Variants in SORCS2 observed in about 807,000 individuals in gnomAD.
SORCS2 encodes sortilin related VPS10 domain containing receptor 2, also known as VPS10 domain-containing receptor SorCS2.
A neutral mutation model predicts 141.6 loss-of-function variants in SORCS2; 100 were observed. The ratio of observed to expected loss-of-function variants is 0.71; its 90% CI spans 0.60 to 0.83. The LOEUF (loss-of-function observed/expected upper bound fraction) is 0.83. Among genes scored for constraint, SORCS2 ranks in the 40% least tolerant of loss-of-function variants. The probability of loss-of-function intolerance (pLI) is 0.00; values close to 1 mark genes in which losing one functional copy is unlikely to be tolerated. For missense variants in SORCS2, 1,646 were observed against 1,560.2 expected (o/e 1.05, Z -0.93); for synonymous variants, 789 against 676.9 (o/e 1.17, Z -2.57).
intron 1 of SORCS2, among the ~76,000 whole-genome samples, chr4:7,272,799 G>A (rs1715233619): frequency 6.6e-6 from 1 of 152,276 alleles, no homozygotes; most frequent in South Asian, 2.1e-4. Flanking sequence ...GAACTCTGGT[G>A]GAGGTGGAAA....
chr4:7,493,248 G>A (rs961576955), intron 2 of SORCS2, among the ~76,000 whole-genome samples: 25 of 152,222 alleles, frequency 1.6e-4, no homozygotes, highest in African/African-American at 5.8e-4. Context: ...CCCTGGATGG[G>A]ACCAACCCAG....
At chr4:7,693,936 G>A (rs764023961) in intron 11 of SORCS2, among the ~76,000 whole-genome samples, 42 of 152,198 alleles carry the variant, frequency 2.8e-4, no homozygotes, top group Admixed American at 5.9e-4. Context: ...GACACTCACC[G>A]GGCCCTTCTA....
At chr4:7,426,381 C>G (rs1726440144) in intron 2 of SORCS2, among the ~76,000 whole-genome samples, 1 of 151,016 alleles carries the variant, frequency 6.6e-6, no homozygotes, top group Admixed American at 6.6e-5. Context: ...TCCCAGCACA[C>G]ACTGCCCCGC....
chr4:7,584,438 A>T (rs145714672), intron 3 of SORCS2, among the ~76,000 whole-genome samples: 33 of 152,328 alleles, frequency 2.2e-4, no homozygotes, highest in African/African-American at 7.5e-4. Flanking sequence ...TACTCAGTAG[A>T]CATTTAGGTC....
At chr4:7,591,216 G>A (rs1387349643) in intron 3 of SORCS2, among the ~76,000 whole-genome samples, 1 of 152,100 alleles carries the variant, frequency 6.6e-6, no homozygotes, top group Admixed American at 6.6e-5. Context: ...CTTGTGCTCA[G>A]CCTCCTCGCG....
intron 1 of SORCS2, among the ~76,000 whole-genome samples, chr4:7,304,678 C>T (rs1445234331): frequency 3.3e-5 from 5 of 152,142 alleles, no homozygotes; most frequent in South Asian, 4.1e-4. Flanking sequence ...GCCGTGGAGG[C>T]GAACAGGCCT....
intron 1 of SORCS2, among the ~76,000 whole-genome samples, chr4:7,357,020 C>G (rs1179064479): frequency 6.6e-6 from 1 of 152,206 alleles, no homozygotes. Flanking sequence ...CACTGTAGAG[C>G]TGGGGACGGT....
chr4:7,203,450 CGG>C (rs1560108993), intron 1 of SORCS2, among the ~76,000 whole-genome samples: 1 of 145,518 alleles, frequency 6.9e-6, no homozygotes, highest in Non-Finnish European at 1.5e-5. Context: ...TCTTTAGAGA[CGG>C]AGATTGCAGT....
At chr4:7,609,056 A>C (rs1032014891) in intron 3 of SORCS2, among the ~76,000 whole-genome samples, 2 of 152,070 alleles carry the variant, frequency 1.3e-5, no homozygotes, top group African/African-American at 4.8e-5. Context: ...AGGCAGTCCC[A>C]CTAAAAGCAC....
Position 7,193,764 on chromosome 4 carries a change from A to C in SORCS2, c.480+638A>C, listed in dbSNP as rs1198435884. On this transcript the variant is annotated intron_variant, in intron 1 of 26. Coordinates refer to ENST00000507866, the MANE Select transcript of SORCS2 (RefSeq NM_020777.3). The surrounding 1 kb of genome is among the most constrained non-coding windows in gnomAD (Gnocchi z 4.8). ...CGTACCCCCTTGGGTTCATACCCAC[A>C]CTGTGCTGGAGACCTGTGTGGCGCT... Among the ~76,000 whole-genome samples the C allele has an allele frequency of 2.0e-5, 3 of 152,048 alleles. No individual in the cohort carries two copies. Among genetic ancestry groups the C allele is most frequent in the Admixed American group, 6.5e-5 (1 of 15,276 alleles).
At chr4:7,608,901 A>C (rs1047708711) in intron 3 of SORCS2, among the ~76,000 whole-genome samples, 24 of 152,094 alleles carry the variant, frequency 1.6e-4, no homozygotes, top group African/African-American at 5.8e-4. Flanking sequence ...GGAGCCGCTC[A>C]TATGTGAACA....
chr4:7,382,745 G>C (rs778370939), intron 1 of SORCS2, among the ~76,000 whole-genome samples: 1 of 152,006 alleles, frequency 6.6e-6, no homozygotes, highest in East Asian at 1.9e-4. Flanking sequence ...CTGCAGGTCT[G>C]GGGGGCAGGG....
chr4:7,741,108 G>A lies in SORCS2; in HGVS notation c.*844G>A, dbSNP rs377004818. ...CCCACCTGATGGCTGTTCTCCCACC[G>A]GGTCTGGGCTCTGGAAGGAGCCAGA... On this transcript the variant is annotated 3_prime_UTR_variant, in exon 27 of 27. Transcript: ENST00000507866. 4.3e-5 allele frequency: 17 copies of A among 398,670 alleles called. No homozygotes were observed. The highest frequency in any genetic ancestry group is 2.7e-4 in the African/African-American group (13 of 48,732). 24.7% of individuals were successfully genotyped at this position (398,670 alleles called of 1,614,324 possible).
At chr4:7,605,218 G>C (rs1717986046) in intron 3 of SORCS2, among the ~76,000 whole-genome samples, 1 of 152,224 alleles carries the variant, frequency 6.6e-6, no homozygotes. Flanking sequence ...CCAGTCGTTG[G>C]AAAGGAGGAA....
chr4:7,198,559 G>A (rs944799047), intron 1 of SORCS2, among the ~76,000 whole-genome samples: 4 of 152,148 alleles, frequency 2.6e-5, no homozygotes, highest in Admixed American at 2.6e-4. Context: ...GTGGCTGGTC[G>A]GCCTGTGAGT....
intron 2 of SORCS2, among the ~76,000 whole-genome samples, chr4:7,447,668 G>A (rs967504810): frequency 6.6e-6 from 1 of 152,140 alleles, no homozygotes; most frequent in Non-Finnish European, 1.5e-5. Flanking sequence ...AGAGCACGGG[G>A]GTCCTCCAGG....
intron 19 of SORCS2, 114 bp from the exon 20 acceptor site, chr4:7,725,037 GGTA>G (rs1727111822): frequency 1.8e-6 from 2 of 1,093,134 alleles, no homozygotes; most frequent in African/African-American, 3.3e-5. Context: ...TGATGATAGT[GGTA>G]GTGGTGGTGG....
chr4:7,492,406 C>T (rs372883741), intron 2 of SORCS2, among the ~76,000 whole-genome samples: 1 of 152,190 alleles, frequency 6.6e-6, no homozygotes, highest in East Asian at 1.9e-4. Flanking sequence ...TGACAGGGGT[C>T]GTCCCTTCTT....
rs73216647 is a variant in SORCS2, at chr4:7,623,206, C to T, written c.649-15122C>T. Among the ~76,000 whole-genome samples, 1,504 of 152,238 alleles carry T rather than the reference C, an allele frequency of 9.9e-3. 10 individuals are homozygous for T. Among genetic ancestry groups the T allele is most frequent in the Middle Eastern group, 0.017 (5 of 294 alleles). On this transcript the variant is annotated intron_variant, in intron 3 of 26. Transcript: ENST00000507866. ...TTACAATCAGTGACACTCAGAGACA[C>T]TGATGCCCCACCTTTGACAATCAAT... is the stretch of plus-strand genomic sequence containing the variant.
Sources: gnomAD v4.1 joint callset for allele counts (sites outside exome capture counted in the v4.1 genomes callset) on GRCh38, gnomAD v4.1.1 for gene constraint, Gnocchi (gnomAD v3.1) non-coding constraint, MANE v1.5 for transcripts, NCBI Gene and HGNC (gene_info 2026-07-23, HGNC 2026-07-21) for gene names.